OPRL1: variants seen among roughly 807,000 people sequenced by gnomAD.
OPRL1 encodes the protein opioid related nociceptin receptor 1, also known as nociceptin receptor.
In OPRL1, 5 loss-of-function variants were observed where a neutral mutation model predicts 15.5. The ratio of observed to expected loss-of-function variants is 0.32; its 90% CI spans 0.17 to 0.68. OPRL1 has a LOEUF of 0.68. Ranked by LOEUF, OPRL1 falls within the 30% of genes least tolerant of loss-of-function variation. The pLI is 0.72. For missense variants in OPRL1, 406 were observed against 515.3 expected, an observed-to-expected ratio of 0.79 and a Z score of 2.05; for synonymous variants, 223 against 230.2, an observed-to-expected ratio of 0.97 and a Z score of 0.28.
Position 64,083,057 on chromosome 20 carries a change from G to C in OPRL1, c.-185+2705G>C, listed in dbSNP as rs1285589878. 2.0e-5 allele frequency among the ~76,000 whole-genome samples: 3 copies of C among 152,152 alleles called. No individual in the cohort carries two copies. The highest frequency in any genetic ancestry group is 2.9e-5 in the Non-Finnish European group (2 of 68,024). On this transcript the variant is annotated intron_variant, in intron 1 of 4. Coordinates refer to ENST00000336866, the MANE Select transcript of OPRL1 (RefSeq NM_182647.4). The surrounding 1 kb of genome is among the most constrained non-coding windows in gnomAD (Gnocchi z 4.9). Reference sequence around the variant, plus strand: ...CCCTGGTGGGATGACTCGCACTCGAGACCACTGCAGCCTGAGGCTACCCTT... The same window carrying C: ...CCCTGGTGGGATGACTCGCACTCGACACCACTGCAGCCTGAGGCTACCCTT...
intron 1 of OPRL1, among the ~76,000 whole-genome samples, chr20:64,088,247 C>T (rs923003151): frequency 1.8e-4 from 27 of 152,298 alleles, no homozygotes; most frequent in Admixed American, 1.4e-3. Flanking sequence ...GGGCAGGATC[C>T]ATGCAAGGGG....
Position 64,099,185 on chromosome 20 carries a change from T to A in OPRL1, c.*386T>A, listed in dbSNP as rs1979554465. On this transcript the variant is annotated 3_prime_UTR_variant, in exon 5 of 5. Coordinates refer to ENST00000336866, the MANE Select transcript of OPRL1 (RefSeq NM_182647.4). ...CTCTGCTGCTGCGTTGGCAGAACCC[T>A]GGGTGGGCAGGCACCCGGAGGAGGA... is the stretch of plus-strand genomic sequence containing the variant. 1 of 268,212 alleles carries A rather than the reference T, an allele frequency of 3.7e-6. No homozygotes were observed. Among genetic ancestry groups the A allele is most frequent in the African/African-American group, 2.2e-5 (1 of 45,222 alleles). 16.6% of individuals were successfully genotyped at this position (268,212 alleles called of 1,614,324 possible).
In OPRL1 at chr20:64,083,614, G is replaced by C; in HGVS notation, c.-185+3262G>C. ...GCGGTCCAGGGGGTCCGGGATCCGCGCGGGCTTCAGCTGCGGCGGCAGGAA... is the reference window on the plus strand; with the variant it reads ...GCGGTCCAGGGGGTCCGGGATCCGCCCGGGCTTCAGCTGCGGCGGCAGGAA... On this transcript the variant is annotated intron_variant, in intron 1 of 4. Coordinates refer to ENST00000336866, the MANE Select transcript of OPRL1 (RefSeq NM_182647.4). This position sits in a 1 kb window ranked among gnomAD's most constrained non-coding sequence, Gnocchi z 4.9. 1 of 1,475,058 alleles carries C rather than the reference G, an allele frequency of 6.8e-7. No homozygotes were observed. 91.4% of individuals were successfully genotyped at this position (1,475,058 alleles called of 1,614,324 possible).
chr20:64,092,592 G>A (rs944224587), intron 2 of OPRL1, 96 bp from the exon 3 acceptor site: 10 of 877,034 alleles, frequency 1.1e-5, no homozygotes, highest in Non-Finnish European at 1.8e-5. Flanking sequence ...CAGCGTGGGG[G>A]TCCATGTGCC....
At position 64,089,897 on chromosome 20, in the gene OPRL1, G is replaced by C. The variant is rs4377388; in HGVS notation, c.-184-2069G>C. ...AGGGTCTAGGGTCTCCTGCTCAGAC[G>C]TTGGTGAGCCCAGCTGGGGCGGAGG... On this transcript the variant is annotated intron_variant, in intron 1 of 4. Transcript: ENST00000336866. The surrounding 1 kb of genome is among the most constrained non-coding windows in gnomAD (Gnocchi z 5.5). Among the ~76,000 whole-genome samples the C allele has an allele frequency of 0.93, 140,974 of 152,262 alleles. 65,330 individuals carry two copies. Among genetic ancestry groups the C allele is most frequent in the East Asian group, 1 (5,167 of 5,170 alleles).
rs1482210292 is a variant in OPRL1 at position 64,100,264 on chromosome 20, A to C, written c.*1465A>C. 2 of 152,102 alleles carry C rather than the reference A, an allele frequency of 1.3e-5. No homozygotes were observed. Among genetic ancestry groups the C allele is most frequent in the African/African-American group, 4.8e-5 (2 of 41,400 alleles). 9.4% of individuals were successfully genotyped at this position (152,102 alleles called of 1,614,324 possible). A position where few individuals can be genotyped will look rare whatever the true frequency, so the allele number is the denominator to read the frequency against. On this transcript the variant is annotated 3_prime_UTR_variant, in exon 5 of 5. Coordinates refer to ENST00000336866, the MANE Select transcript of OPRL1 (RefSeq NM_182647.4). ...AAGACCTGCAACATTGAAAAAACTC[A>C]TTTTTTCCACCAAAACCTTGGCCAG...
At chr20:64,088,462 T>A (rs953615474) in intron 1 of OPRL1, among the ~76,000 whole-genome samples, 4 of 148,456 alleles carry the variant, frequency 2.7e-5, no homozygotes, top group East Asian at 4.1e-4. Context: ...ACAGGACCCG[T>A]CCAGGGAGGG....
rs1197226973 is a variant in OPRL1, at chr20:64,083,345, T to C, written c.-185+2993T>C. ...ATACTCCCCGCTTCCCTCGGGGTCC[T>C]GGGGAGTGGCAGCAAAAAGACCAGC... On this transcript the variant is annotated intron_variant, in intron 1 of 4. Coordinates refer to ENST00000336866, the MANE Select transcript of OPRL1 (RefSeq NM_182647.4). This position sits in a 1 kb window ranked among gnomAD's most constrained non-coding sequence, Gnocchi z 4.9. The C allele has an allele frequency of 1.6e-5, 26 of 1,582,322 alleles. No homozygotes were observed. Among genetic ancestry groups the C allele is most frequent in the Non-Finnish European group, 2.2e-5 (26 of 1,159,250 alleles).
chr20:64,083,751 C>A lies in OPRL1; in HGVS notation c.-185+3399C>A, dbSNP rs1156262696. 1.5e-6 allele frequency: 2 copies of A among 1,336,390 alleles called. No individual in the cohort carries two copies. The highest frequency in any genetic ancestry group is 3.9e-5 in the South Asian group (2 of 51,338). 82.8% of individuals were successfully genotyped at this position (1,336,390 alleles called of 1,614,324 possible). A position where few individuals can be genotyped will look rare whatever the true frequency, so the allele number is the denominator to read the frequency against. ...AGCGCGCGCCGAGCCCCGCCCCGCC[C>A]CGCCCCGGCCGGCTCCGCTCAACGC... On this transcript the variant is annotated intron_variant, in intron 1 of 4. Coordinates refer to ENST00000336866, the MANE Select transcript of OPRL1 (RefSeq NM_182647.4). This position sits in a 1 kb window ranked among gnomAD's most constrained non-coding sequence, Gnocchi z 4.9.
chr20:64,083,877 T>A lies in OPRL1; in HGVS notation c.-185+3525T>A. 3 of 1,436,334 alleles carry A rather than the reference T, an allele frequency of 2.1e-6. No individual in the cohort carries two copies. Among genetic ancestry groups the A allele is most frequent in the Non-Finnish European group, 2.7e-6 (3 of 1,101,984 alleles). 89.0% of individuals were successfully genotyped at this position (1,436,334 alleles called of 1,614,324 possible). On this transcript the variant is annotated intron_variant, in intron 1 of 4. Transcript: ENST00000336866. The surrounding 1 kb of genome is among the most constrained non-coding windows in gnomAD (Gnocchi z 4.9). Reference sequence around the variant, plus strand: ...ACTCGCCCGCGGGCCTCCGCTGCCTTGAGGACGCCGAGGAGCCGGTTCTGG... The same window carrying A: ...ACTCGCCCGCGGGCCTCCGCTGCCTAGAGGACGCCGAGGAGCCGGTTCTGG...
rs2060103612 is a variant in OPRL1, at chr20:64,089,939, C to G, written c.-184-2027C>G. ...GGGCGGAGGGCTGCAGGAGTCCGAG[C>G]CTGCCTGGATTCCTGCCCCCTCTCG... On this transcript the variant is annotated intron_variant, in intron 1 of 4. Coordinates refer to ENST00000336866, the MANE Select transcript of OPRL1 (RefSeq NM_182647.4). This position sits in a 1 kb window ranked among gnomAD's most constrained non-coding sequence, Gnocchi z 5.5. 6.6e-6 allele frequency among the ~76,000 whole-genome samples: 1 copy of G among 152,176 alleles called. No homozygotes were observed. The highest frequency in any genetic ancestry group is 2.4e-5 in the African/African-American group (1 of 41,422).
At position 64,085,229 on chromosome 20, in the gene OPRL1, GGTTA is replaced by G. The variant is rs371510286; in HGVS notation, c.-185+4881_-185+4884del. ...GGTTCCTGGCTTGAGGGGTCTTTGG[GGTTA>G]GTTTTGTGGGTGGGGCCCTCGGCTA... On this transcript the variant is annotated intron_variant, in intron 1 of 4. Coordinates refer to ENST00000336866, the MANE Select transcript of OPRL1 (RefSeq NM_182647.4). 2.8e-4 allele frequency: 43 copies of G among 152,356 alleles called. 1 individual carries two copies. The highest frequency in any genetic ancestry group is 1.1e-3 in the Admixed American group (17 of 15,310). The allele number at this position is 152,356 out of a possible 1,614,324, so 9.4% of individuals were successfully genotyped here. A position where few individuals can be genotyped will look rare whatever the true frequency, so the allele number is the denominator to read the frequency against.
rs1177465837 is a variant in OPRL1 at position 64,092,795 on chromosome 20, G to C, written c.75G>C (p.Leu25=). Reference sequence around the variant, plus strand: ...ACCTTCAGGGCAACCTGTCCCTCCTGAGCCCCAACCACAGTCTGCTGCCCC... The same window carrying C: ...ACCTTCAGGGCAACCTGTCCCTCCTCAGCCCCAACCACAGTCTGCTGCCCC... ...GSHLQGNLSL[L]SPNHSLLPPH... Residue 25 remains leucine, a synonymous_variant, in exon 3 of 5, where the codon CTG becomes CTC. Coordinates refer to ENST00000336866, the MANE Select transcript of OPRL1 (RefSeq NM_182647.4). 1 of 1,612,640 alleles carries C rather than the reference G, an allele frequency of 6.2e-7. No individual in the cohort carries two copies. The highest frequency in any genetic ancestry group is 8.5e-7 in the Non-Finnish European group (1 of 1,179,966).
chr20:64,096,640 A>T (rs1458761418), intron 3 of OPRL1, among the ~76,000 whole-genome samples: 1 of 152,046 alleles, frequency 6.6e-6, no homozygotes, highest in Non-Finnish European at 1.5e-5. Flanking sequence ...AGCTACACTG[A>T]CACAGAATAG....
rs1459476547 is a variant in OPRL1 at position 64,089,968 on chromosome 20, C to T, written c.-184-1998C>T. Reference sequence around the variant, plus strand: ...CCTGGATTCCTGCCCCCTCTCGGCTCCTGAGGTCAGGGGGCTCACCCTCGA... The same window carrying T: ...CCTGGATTCCTGCCCCCTCTCGGCTTCTGAGGTCAGGGGGCTCACCCTCGA... On this transcript the variant is annotated intron_variant, in intron 1 of 4. Transcript: ENST00000336866. This position sits in a 1 kb window ranked among gnomAD's most constrained non-coding sequence, Gnocchi z 5.5. 6.6e-6 allele frequency among the ~76,000 whole-genome samples: 1 copy of T among 152,216 alleles called. No homozygotes were observed. The highest frequency in any genetic ancestry group is 1.5e-5 in the Non-Finnish European group (1 of 68,038).
chr20:64,091,459 G>C (rs1029993937), intron 1 of OPRL1, among the ~76,000 whole-genome samples: 9 of 152,248 alleles, frequency 5.9e-5, no homozygotes, highest in Admixed American at 5.9e-4. Context: ...GCAGTGGCCG[G>C]GTATGGTGGG....
chr20:64,083,827 G>T lies in OPRL1; in HGVS notation c.-185+3475G>T. On this transcript the variant is annotated intron_variant, in intron 1 of 4. Coordinates refer to ENST00000336866, the MANE Select transcript of OPRL1 (RefSeq NM_182647.4). This position sits in a 1 kb window ranked among gnomAD's most constrained non-coding sequence, Gnocchi z 4.9. ...GACCCCCTCGCCTCACCCGCATGCG[G>T]GTGTAGCGCAGCCGCAGGGCGCGGA... The T allele has an allele frequency of 7.2e-7, 1 of 1,381,982 alleles. No homozygotes were observed. Among genetic ancestry groups the T allele is most frequent in the Non-Finnish European group, 9.3e-7 (1 of 1,074,960 alleles). The allele number at this position is 1,381,982 out of a possible 1,614,324, so 85.6% of individuals were successfully genotyped here.
rs757482531 is a variant in OPRL1, at chr20:64,098,643, C to T, written c.957C>T (p.Tyr319=). Residue 319 remains tyrosine, a synonymous_variant, in exon 5 of 5, where the codon TAC becomes TAT. Coordinates refer to ENST00000336866, the MANE Select transcript of OPRL1 (RefSeq NM_182647.4). The part of the protein sequence containing the change: ...YVNSCLNPIL[Y]AFLDENFKAC... ...ACAGCTGCCTCAACCCCATCCTCTA[C>T]GCCTTCCTGGATGAGAACTTCAAGG... The T allele has an allele frequency of 2.2e-5, 36 of 1,612,874 alleles. No individual in the cohort carries two copies. The highest frequency in any genetic ancestry group is 1.0e-4 in the Admixed American group (6 of 60,012).
In OPRL1 at chr20:64,098,506, G is replaced by C. The variant is rs754782363; in HGVS notation, c.820G>C (p.Gly274Arg). The C allele has an allele frequency of 6.2e-7, 1 of 1,612,952 alleles. No individual in the cohort carries two copies. The highest frequency in any genetic ancestry group is 1.7e-5 in the Admixed American group (1 of 60,024). Residue 274 changes from glycine to arginine, a missense_variant, in exon 5 of 5, where the codon GGC (glycine) becomes CGC (arginine). By Grantham distance (125) the Gly-to-Arg change is moderately radical. Coordinates refer to ENST00000336866, the MANE Select transcript of OPRL1 (RefSeq NM_182647.4). Reference sequence around the variant, plus strand: ...GCTGGTGGTAGTGGCTGTGTTCGTGGGCTGCTGGACGCCTGTCCAGGTCTT... The same window carrying C: ...GCTGGTGGTAGTGGCTGTGTTCGTGCGCTGCTGGACGCCTGTCCAGGTCTT... ...LVLVVVAVFV[G>R]CWTPVQVFVL...
Sources: allele counts gnomAD v4.1 joint callset (sites outside exome capture counted in the v4.1 genomes callset), GRCh38; gene constraint gnomAD v4.1.1; non-coding constraint Gnocchi (gnomAD v3.1); transcripts MANE v1.5; gene names NCBI Gene and HGNC (gene_info 2026-07-23, HGNC 2026-07-21).